The following SH3D19 variants were observed in gnomAD, a reference collection of about 807,000 sequenced individuals.
SH3D19 encodes the protein SH3 domain containing 19.
SH3D19 carries 58 observed loss-of-function variants against 112.1 expected under a neutral mutation model. The ratio of observed to expected loss-of-function variants is 0.52; its 90% CI spans 0.42 to 0.64. The LOEUF (loss-of-function observed/expected upper bound fraction) is 0.64, where lower values mean the gene tolerates loss of function less well. SH3D19 is among the 30% of genes least tolerant of loss of function. SH3D19 has a pLI of 0.00. For missense variants in SH3D19, 1,090 were observed against 1,263.4 expected (o/e 0.86, Z 2.08); for synonymous variants, 391 against 448.5 (o/e 0.87, Z 1.62).
chr4:151,136,427 C>T (rs1444126071), intron 14 of SH3D19, among the ~76,000 whole-genome samples: 14 of 152,180 alleles, frequency 9.2e-5, no homozygotes, highest in Admixed American at 7.2e-4. Flanking sequence ...GTTGGGATTA[C>T]AGGCATGAGC....
chr4:151,136,066 C>A (rs1751786527), intron 14 of SH3D19, among the ~76,000 whole-genome samples: 1 of 152,108 alleles, frequency 6.6e-6, no homozygotes, highest in South Asian at 2.1e-4. Context: ...ACATTTATAA[C>A]TGAAATATTT....
intron 9 of SH3D19, among the ~76,000 whole-genome samples, chr4:151,151,207 C>T (rs747836905): frequency 6.6e-5 from 10 of 152,112 alleles, no homozygotes; most frequent in South Asian, 2.1e-4. Flanking sequence ...GTGATCCACC[C>T]GCCTTGGCCT....
At position 151,222,739 on chromosome 4, in the gene SH3D19, C is replaced by T. The variant is rs570287958; in HGVS notation, c.152+3308G>A. Among the ~76,000 whole-genome samples, 18 of 125,112 alleles carry T rather than the reference C, an allele frequency of 1.4e-4. No homozygotes were observed. In the South Asian group the frequency reaches 4.5e-3, roughly 31 times the overall value. 82.1% of individuals were successfully genotyped at this position (125,112 alleles called of 152,430 possible). A position where few individuals can be genotyped will look rare whatever the true frequency, so the allele number is the denominator to read the frequency against. On this transcript the variant is annotated intron_variant, in intron 2 of 19. Transcript: ENST00000604030. The stretch of plus-strand genomic sequence containing the variant: ...CCAGACTGGAGCGCAGTGGAGTGAT[C>T]TTGGCTCACTGCAACCTCTGCCTCC...
intron 1 of SH3D19, chr4:151,291,141 G>T (rs369030212): frequency 3.3e-5 from 54 of 1,612,634 alleles, no homozygotes; most frequent in Non-Finnish European, 4.0e-5. Flanking sequence ...GGCCTCTGTC[G>T]TGTCACATTG....
At chr4:151,318,200 C>T (rs1486870768) in intron 1 of SH3D19, among the ~76,000 whole-genome samples, 1 of 149,552 alleles carries the variant, frequency 6.7e-6, no homozygotes, top group Non-Finnish European at 1.5e-5. Context: ...CCTTGGGAGG[C>T]CGAGGCAGGA....
intron 1 of SH3D19, among the ~76,000 whole-genome samples, chr4:151,267,733 G>A (rs1772920805): frequency 6.6e-6 from 1 of 152,170 alleles, no homozygotes; most frequent in Non-Finnish European, 1.5e-5. Context: ...AAAGGGAAAT[G>A]TATTTTGTTA....
At chr4:151,203,293 C>A (rs116333602) in intron 2 of SH3D19, among the ~76,000 whole-genome samples, 90 of 152,292 alleles carry the variant, frequency 5.9e-4, no homozygotes, top group African/African-American at 2.0e-3. Context: ...ATTGGGGCTA[C>A]TGGATGACTT....
rs117084252 is a variant in SH3D19 at position 151,224,026 on chromosome 4, T to C, written c.152+2021A>G. 1.3e-3 allele frequency among the ~76,000 whole-genome samples: 193 copies of C among 152,294 alleles called. 4 individuals are homozygous for C. In the East Asian group the frequency reaches 0.031, roughly 25 times the overall value. ...TGAACAGAATATCAAAAGTATGATC[T>C]AGGCCGGGCACGGTGGCTCACGCCT... is the stretch of plus-strand genomic sequence containing the variant. On this transcript the variant is annotated intron_variant, in intron 2 of 19. Transcript: ENST00000604030.
chr4:151,224,338 T>C (rs151197256), intron 2 of SH3D19, among the ~76,000 whole-genome samples: 1 of 152,236 alleles, frequency 6.6e-6, no homozygotes, highest in African/African-American at 2.4e-5. Context: ...GATCTAGAGC[T>C]ACCACTTTTA....
chr4:151,148,883 C>G (rs569944144), intron 10 of SH3D19, among the ~76,000 whole-genome samples: 3 of 151,880 alleles, frequency 2.0e-5, no homozygotes, highest in East Asian at 3.9e-4. Context: ...ATTAAAAATA[C>G]AAAAATTAGC....
chr4:151,169,566 AGCAACGTAAGTTCACTTT>A (rs1758691184), intron 7 of SH3D19, among the ~76,000 whole-genome samples: 1 of 152,192 alleles, frequency 6.6e-6, no homozygotes, highest in South Asian at 2.1e-4. Context: ...GCTTCTCTCT[AGCAACGTAAGTTCACTTT>A]TTATGTCTTT....
chr4:151,270,156 C>A (rs868032424), intron 1 of SH3D19, among the ~76,000 whole-genome samples: 18 of 151,888 alleles, frequency 1.2e-4, no homozygotes, highest in African/African-American at 4.3e-4. Flanking sequence ...CATTTATTAT[C>A]ATTATCAGGT....
chr4:151,154,376 C>T (rs561973632), intron 9 of SH3D19, among the ~76,000 whole-genome samples: 15 of 150,710 alleles, frequency 1.0e-4, no homozygotes, highest in South Asian at 2.1e-4. Context: ...TCAGGCGATC[C>T]GCCCGCCTTG....
At chr4:151,133,270 G>C (rs750296196) in intron 15 of SH3D19, 34 bp from the exon 16 acceptor site, 1 of 1,581,458 alleles carries the variant, frequency 6.3e-7, no homozygotes, top group African/African-American at 1.3e-5. Flanking sequence ...GATTAGACTA[G>C]AGAGTGCTTT....
chr4:151,305,002 C>A (rs1417066958), intron 1 of SH3D19, among the ~76,000 whole-genome samples: 1 of 152,150 alleles, frequency 6.6e-6, no homozygotes, highest in Non-Finnish European at 1.5e-5. Flanking sequence ...TCTGTCCAAT[C>A]ACTAGCTGAC....
At chr4:151,139,892 G>A (rs1170059345) in intron 12 of SH3D19, 45 bp from the exon 13 acceptor site, 2 of 1,588,826 alleles carry the variant, frequency 1.3e-6, no homozygotes, top group Non-Finnish European at 8.6e-7. Context: ...CAGGATAGAT[G>A]GTGGATTTAT....
chr4:151,309,084 G>A (rs531524951), intron 1 of SH3D19, among the ~76,000 whole-genome samples: 3 of 152,280 alleles, frequency 2.0e-5, no homozygotes, highest in East Asian at 3.9e-4. Context: ...GGCCAGGCTC[G>A]TCTTGAACTC....
chr4:151,190,579 G>A (rs540014551), intron 2 of SH3D19, among the ~76,000 whole-genome samples: 28 of 152,358 alleles, frequency 1.8e-4, no homozygotes, highest in African/African-American at 6.5e-4. Context: ...TTGGGCCGTG[G>A]CTTCAGAGGG....
rs909340310 is a variant in SH3D19, at chr4:151,227,671, G to A, written c.113-1585C>T. Reference sequence around the variant, plus strand: ...CTCCAGTTTTTAGCCTGCTAGCTTCGCTACAAAAATGAAGTATAATGTCTC... The same window carrying A: ...CTCCAGTTTTTAGCCTGCTAGCTTCACTACAAAAATGAAGTATAATGTCTC... On this transcript the variant is annotated intron_variant, in intron 1 of 19. Coordinates refer to ENST00000604030, the MANE Select transcript of SH3D19 (RefSeq NM_001378122.1). The A allele has an allele frequency of 7.5e-5, 63 of 845,046 alleles. No individual in the cohort carries two copies. In the African/African-American group the frequency reaches 9.4e-4, roughly 13 times the overall value. The allele number at this position is 845,046 out of a possible 1,614,324, so 52.3% of individuals were successfully genotyped here.
Sources: gnomAD v4.1 joint callset for allele counts (sites outside exome capture counted in the v4.1 genomes callset) on GRCh38, gnomAD v4.1.1 for gene constraint, MANE v1.5 for transcripts, NCBI Gene and HGNC (gene_info 2026-07-23, HGNC 2026-07-21) for gene names.